CCDC146: variants seen among roughly 807,000 people sequenced by gnomAD.
The protein encoded by CCDC146 is coiled-coil domain containing 146, also known as coiled-coil domain-containing protein 146.
Under a neutral mutation model 119.3 loss-of-function variants are expected in CCDC146, and 92 were observed. The observed-to-expected ratio is 0.77, with a 90% CI of 0.65 to 0.92. The LOEUF is 0.92. Among genes scored for constraint, CCDC146 ranks in the 40% least tolerant of loss-of-function variants. The pLI is 0.00. For synonymous variants in CCDC146, 372 were observed against 371.8 expected, an observed-to-expected ratio of 1.00 and a Z score of -0.01; for missense variants, 1,000 against 1,103.0, an observed-to-expected ratio of 0.91 and a Z score of 1.32.
Position 77,260,123 on chromosome 7 carries a change from A to G in CCDC146, c.873A>G (p.Ile291Met). Residue 291 changes from isoleucine (I) to methionine (M), a missense_variant, in exon 8 of 19, where the codon ATA becomes ATG. Transcript: ENST00000285871. Reference protein sequence around the residue: ...SAIVDEKENVIKEVEGKRALL... With the variant: ...SAIVDEKENVMKEVEGKRALL... The stretch of plus-strand genomic sequence containing the variant: ...TAGTGGATGAGAAGGAAAATGTAAT[A>G]AAGGAAGTTGAAGGCAAACGAGCCT... The G allele has an allele frequency of 6.2e-7, 1 of 1,614,128 alleles. No individual in the cohort carries two copies. Among genetic ancestry groups the G allele is most frequent in the Non-Finnish European group, 8.5e-7 (1 of 1,179,996 alleles).
intron 9 of CCDC146, among the ~76,000 whole-genome samples, chr7:77,265,906 G>T (rs914859950): frequency 6.6e-6 from 1 of 152,192 alleles, no homozygotes; most frequent in African/African-American, 2.4e-5. Context: ...GAAAGACTTT[G>T]CTGGGGTTAG....
At position 77,196,345 on chromosome 7, in the gene CCDC146, A is replaced by G. The variant is rs747864954; in HGVS notation, c.156+28521A>G. On this transcript the variant is annotated intron_variant, in intron 2 of 18. Transcript: ENST00000285871. The surrounding 1 kb of genome is among the most constrained non-coding windows in gnomAD (Gnocchi z 4.2). ...CTTTGAAGGAGGACTTGTAGCCACCAGGGTGTGCCTCACTTACACCAGGCC... is the reference window on the plus strand; with the variant it reads ...CTTTGAAGGAGGACTTGTAGCCACCGGGGTGTGCCTCACTTACACCAGGCC... 26 of 1,614,140 alleles carry G rather than the reference A, an allele frequency of 1.6e-5. No individual in the cohort carries two copies. The Middle Eastern group carries it at 3.8e-3, about 236-fold the overall frequency.
intron 1 of CCDC146, among the ~76,000 whole-genome samples, chr7:77,127,849 A>T (rs1309517796): frequency 6.6e-6 from 1 of 152,060 alleles, no homozygotes; most frequent in Non-Finnish European, 1.5e-5. Flanking sequence ...ATGCCTCTTC[A>T]TCTTTTCGTA....
intron 4 of CCDC146, among the ~76,000 whole-genome samples, chr7:77,243,530 A>G (rs539986706): frequency 5.3e-4 from 80 of 152,354 alleles, no homozygotes; most frequent in African/African-American, 1.9e-3. Flanking sequence ...TATCACAGTC[A>G]TGCACCACAT....
chr7:77,224,958 CTT>C (rs1490985831), intron 2 of CCDC146, among the ~76,000 whole-genome samples: 1 of 152,096 alleles, frequency 6.6e-6, no homozygotes, highest in African/African-American at 2.4e-5. Flanking sequence ...AGAGACTACT[CTT>C]TTGAGAAGAA....
At chr7:77,141,125 T>G (rs1055890321) in intron 1 of CCDC146, among the ~76,000 whole-genome samples, 13 of 152,192 alleles carry the variant, frequency 8.5e-5, no homozygotes, top group African/African-American at 3.1e-4. Flanking sequence ...TGTGTCCCTG[T>G]GTTCTCATTG....
intron 9 of CCDC146, among the ~76,000 whole-genome samples, chr7:77,263,849 G>C (rs947268098): frequency 3.3e-5 from 5 of 152,136 alleles, no homozygotes; most frequent in Non-Finnish European, 7.4e-5. Flanking sequence ...GCTTGAACCC[G>C]GGAGGCGGAG....
At chr7:77,215,074 T>C (rs1792270816) in intron 2 of CCDC146, among the ~76,000 whole-genome samples, 1 of 152,140 alleles carries the variant, frequency 6.6e-6, no homozygotes, top group Non-Finnish European at 1.5e-5. Flanking sequence ...GTTATTTGGT[T>C]ACCCTGCTGT....
intron 2 of CCDC146, among the ~76,000 whole-genome samples, chr7:77,178,840 T>A (rs888056561): frequency 1.3e-5 from 2 of 152,242 alleles, no homozygotes; most frequent in African/African-American, 4.8e-5. Flanking sequence ...GTGCATCTTG[T>A]AAAACAGTGT....
At chr7:77,161,507 A>G (rs1345463009) in intron 1 of CCDC146, among the ~76,000 whole-genome samples, 1 of 151,964 alleles carries the variant, frequency 6.6e-6, no homozygotes, top group Non-Finnish European at 1.5e-5. Flanking sequence ...TGAAATTGGA[A>G]ATCATCATTC....
At position 77,287,523 on chromosome 7, in the gene CCDC146, G is replaced by A. The variant is rs150539476; in HGVS notation, c.2361G>A (p.Arg787=). Residue 787 remains arginine, a synonymous_variant, in exon 17 of 19, where the codon AGG becomes AGA. Coordinates refer to ENST00000285871, the MANE Select transcript of CCDC146 (RefSeq NM_020879.3). The part of the protein sequence containing the change: ...IYEQVSRLTD[R]LCSKTQGCKQ... ...AGCAGGTCTCCAGGCTCACAGACAG[G>A]CTCTGCAGCAAAACTCAGGGCTGCA... 1 of 1,613,914 alleles carries A rather than the reference G, an allele frequency of 6.2e-7. No individual in the cohort carries two copies. The highest frequency in any genetic ancestry group is 1.7e-5 in the Admixed American group (1 of 60,000).
At chr7:77,280,719 C>G in intron 14 of CCDC146, 66 bp downstream of exon 14, 1 of 1,083,026 alleles carries the variant, frequency 9.2e-7, no homozygotes. Context: ...CTTTTTCTAT[C>G]TAGACTTGAC....
At chr7:77,202,303 G>A (rs968227642) in intron 2 of CCDC146, among the ~76,000 whole-genome samples, 2 of 152,192 alleles carry the variant, frequency 1.3e-5, no homozygotes, top group Non-Finnish European at 2.9e-5. Context: ...GTTGGACTTT[G>A]AAATGAAATC....
chr7:77,196,601 C>A lies in CCDC146; in HGVS notation c.156+28777C>A. 6.2e-7 allele frequency: 1 copy of A among 1,614,134 alleles called. No homozygotes were observed. Among genetic ancestry groups the A allele is most frequent in the South Asian group, 1.1e-5 (1 of 91,086 alleles). On this transcript the variant is annotated intron_variant, in intron 2 of 18. Coordinates refer to ENST00000285871, the MANE Select transcript of CCDC146 (RefSeq NM_020879.3). This position sits in a 1 kb window ranked among gnomAD's most constrained non-coding sequence, Gnocchi z 4.2. ...ATCTCCAGCTGTGCCATTATAGTTA[C>A]CAACGTGTAAACGATATTTGAGAAA...
intron 1 of CCDC146, among the ~76,000 whole-genome samples, chr7:77,153,521 T>A (rs1791136760): frequency 6.7e-6 from 1 of 148,390 alleles, no homozygotes; most frequent in African/African-American, 2.5e-5. Flanking sequence ...AATGTACAGA[T>A]GGCAAAGAAG....
At chr7:77,248,231 G>A (rs55748718) in intron 4 of CCDC146, among the ~76,000 whole-genome samples, 7,547 of 152,250 alleles carry the variant, frequency 0.05, 477 homozygotes, top group African/African-American at 0.15. Context: ...GTGTACACGT[G>A]GACGTAGAGT....
chr7:77,275,750 C>G (rs1452680318), intron 11 of CCDC146, among the ~76,000 whole-genome samples: 1 of 152,116 alleles, frequency 6.6e-6, no homozygotes, highest in African/African-American at 2.4e-5. Flanking sequence ...GTGCAACATT[C>G]CCCCCTAAAA....
At chr7:77,232,745 G>C (rs1034930485) in intron 2 of CCDC146, among the ~76,000 whole-genome samples, 1 of 152,156 alleles carries the variant, frequency 6.6e-6, no homozygotes, top group Admixed American at 6.5e-5. Context: ...TGGCACTACC[G>C]AACAGCTACA....
Position 77,270,106 on chromosome 7 carries a change from G to A in CCDC146, c.1174-3588G>A, listed in dbSNP as rs543394869. Among the ~76,000 whole-genome samples the A allele has an allele frequency of 1.1e-4, 17 of 152,274 alleles. No homozygotes were observed. The East Asian group carries it at 3.3e-3, about 29-fold the overall frequency. Reference sequence around the variant, plus strand: ...AAGGTACAAGCCTCATGAAAGGTTGGAATGCTTTAGAAAAATATCAAAGTG... The same window carrying A: ...AAGGTACAAGCCTCATGAAAGGTTGAAATGCTTTAGAAAAATATCAAAGTG... On this transcript the variant is annotated intron_variant, in intron 9 of 18. Coordinates refer to ENST00000285871, the MANE Select transcript of CCDC146 (RefSeq NM_020879.3).
Sources: allele counts gnomAD v4.1 joint callset (sites outside exome capture counted in the v4.1 genomes callset), GRCh38; gene constraint gnomAD v4.1.1; non-coding constraint Gnocchi (gnomAD v3.1); transcripts MANE v1.5; gene names NCBI Gene and HGNC (gene_info 2026-07-23, HGNC 2026-07-21).